Variants in DENND2A observed in about 807,000 individuals in gnomAD.
DENND2A encodes DENN domain-containing protein 2A.
DENND2A carries 53 observed loss-of-function variants against 105.3 expected under a neutral mutation model. The observed-to-expected ratio is 0.50, with a 90% confidence interval of 0.40 to 0.63. The LOEUF is 0.63. Ranked by LOEUF, DENND2A falls within the 30% of genes least tolerant of loss-of-function variation. The pLI is 0.00. For synonymous variants in DENND2A, 522 were observed against 508.4 expected, an observed-to-expected ratio of 1.03 and a Z score of -0.36; for missense variants, 1,138 against 1,279.6, an observed-to-expected ratio of 0.89 and a Z score of 1.69.
rs1309593775 is a variant in DENND2A, at chr7:140,594,418, TATTAGTTCACTCAA to T, written c.996-6652_996-6639del. Among the ~76,000 whole-genome samples the T allele has an allele frequency of 2.6e-5, 4 of 152,244 alleles. No homozygotes were observed. The South Asian group carries it at 8.3e-4, about 32-fold the overall frequency. On this transcript the variant is annotated intron_variant, in intron 3 of 19. Transcript: ENST00000496613. ...TCTTTCCTGTCTCAGGGCTTTCACC[TATTAGTTCACTCAA>T]ACTGAACGTCCACTCCCCACCCTCC...
chr7:140,633,124 G>C (rs975127591), intron 1 of DENND2A, among the ~76,000 whole-genome samples: 1 of 151,406 alleles, frequency 6.6e-6, no homozygotes, highest in East Asian at 1.9e-4. Context: ...CGCCTCCCGC[G>C]TTCACACCAT....
At chr7:140,591,844 CTTCT>C (rs1303250012) in intron 3 of DENND2A, among the ~76,000 whole-genome samples, 1 of 121,228 alleles carries the variant, frequency 8.2e-6, no homozygotes, top group Non-Finnish European at 1.7e-5. Context: ...CCTCCCCTTC[CTTCT>C]TTCCTTCCTT....
At chr7:140,579,790 G>A (rs1341068862) in intron 5 of DENND2A, among the ~76,000 whole-genome samples, 3 of 152,104 alleles carry the variant, frequency 2.0e-5, no homozygotes, top group African/African-American at 4.8e-5. Context: ...TTACATGCAC[G>A]TTTTAAGAAG....
At chr7:140,609,817 G>A (rs1356946406) in intron 1 of DENND2A, 1 of 152,156 alleles carries the variant, frequency 6.6e-6, no homozygotes, top group Non-Finnish European at 1.5e-5. Context: ...CATGTTGACT[G>A]GAGGGTTCAG....
chr7:140,588,903 TG>T (rs2130653270), intron 3 of DENND2A, among the ~76,000 whole-genome samples: 1 of 151,826 alleles, frequency 6.6e-6, no homozygotes, highest in South Asian at 2.1e-4. Context: ...TCACCATGTC[TG>T]GCTAATTTTT....
intron 6 of DENND2A, among the ~76,000 whole-genome samples, chr7:140,571,957 C>T (rs1247904866): frequency 1.3e-5 from 2 of 151,618 alleles, no homozygotes; most frequent in African/African-American, 4.9e-5. Context: ...AGGTGCATTC[C>T]CTAAGTGGAC....
rs553198911 is a variant in DENND2A at position 140,627,453 on chromosome 7, C to G, written c.-248+13051G>C. Among the ~76,000 whole-genome samples, 256 of 151,948 alleles carry G rather than the reference C, an allele frequency of 1.7e-3. 1 individual carries two copies. Among genetic ancestry groups the G allele is most frequent in the African/African-American group, 5.9e-3 (245 of 41,460 alleles). ...TGGTCTCGAACTCCTGCCTGCCTGCCTTGGCCTCCCTAAGTGCTGGGATTA... is the reference window on the plus strand; with the variant it reads ...TGGTCTCGAACTCCTGCCTGCCTGCGTTGGCCTCCCTAAGTGCTGGGATTA... On this transcript the variant is annotated intron_variant, in intron 1 of 19. Coordinates refer to ENST00000496613, the MANE Select transcript of DENND2A (RefSeq NM_015689.5).
Position 140,640,737 on chromosome 7 carries a change from G to T in DENND2A, c.-481C>A, listed in dbSNP as rs1447521608. 6 of 144,224 alleles carry T rather than the reference G, an allele frequency of 4.2e-5. No individual in the cohort carries two copies. In the South Asian group the frequency reaches 1.2e-3, roughly 30 times the overall value. 8.9% of individuals were successfully genotyped at this position (144,224 alleles called of 1,614,324 possible). On this transcript the variant is annotated 5_prime_UTR_variant, in exon 1 of 20. Transcript: ENST00000496613. This position sits in a 1 kb window ranked among gnomAD's most constrained non-coding sequence, Gnocchi z 4.9. ...CCCCGCCGCCCCCGGCCCCAGCGGC[G>T]CGCTTCCCTCGGCCGGCCCAGCGCA...
intron 1 of DENND2A, among the ~76,000 whole-genome samples, chr7:140,629,765 G>A (rs1386640217): frequency 6.6e-6 from 1 of 152,086 alleles, no homozygotes; most frequent in Non-Finnish European, 1.5e-5. Context: ...AGTGAAGAGG[G>A]AGAAGGTAGT....
At position 140,555,729 on chromosome 7, in the gene DENND2A, C is replaced by T. The variant is rs1563137898; in HGVS notation, c.1960-16G>A. The T allele has an allele frequency of 6.3e-7, 1 of 1,589,398 alleles. No homozygotes were observed. Among genetic ancestry groups the T allele is most frequent in the East Asian group, 2.3e-5 (1 of 44,092 alleles). ...TGCCTCCAGGCTTTTCGGAGAGAAACACAAGGGAATTATGAGTGTTGACAA... is the reference window on the plus strand; with the variant it reads ...TGCCTCCAGGCTTTTCGGAGAGAAATACAAGGGAATTATGAGTGTTGACAA... On this transcript the variant is annotated splice_polypyrimidine_tract_variant and intron_variant, in intron 11 of 19. Coordinates refer to ENST00000496613, the MANE Select transcript of DENND2A (RefSeq NM_015689.5).
intron 1 of DENND2A, among the ~76,000 whole-genome samples, chr7:140,637,115 G>A (rs542534165): frequency 2.0e-5 from 3 of 152,114 alleles, no homozygotes; most frequent in East Asian, 1.9e-4. Context: ...CTCCCAAAGC[G>A]TTGGGATTAC....
intron 19 of DENND2A, 29 bp from the exon 20 acceptor site, chr7:140,518,767 ACAAGGCAGACAAAGGAG>A: frequency 6.2e-7 from 1 of 1,609,906 alleles, no homozygotes; most frequent in Non-Finnish European, 8.5e-7. Flanking sequence ...AGAACATTTC[ACAAGGCAGACAAAGGAG>A]GGTGAGATAA....
intron 1 of DENND2A, among the ~76,000 whole-genome samples, chr7:140,608,373 T>C (rs957175137): frequency 2.0e-5 from 3 of 152,164 alleles, no homozygotes; most frequent in African/African-American, 7.2e-5. Flanking sequence ...TTTTTGTCTC[T>C]GATGATTAGC....
intron 19 of DENND2A, 21 bp downstream of exon 19, chr7:140,519,611 A>G: frequency 6.2e-7 from 1 of 1,609,540 alleles, no homozygotes; most frequent in Non-Finnish European, 8.5e-7. Context: ...CAGGCTGGGC[A>G]CCCAGAGCCC....
At chr7:140,607,301 G>A (rs887216963) in intron 1 of DENND2A, among the ~76,000 whole-genome samples, 1 of 152,174 alleles carries the variant, frequency 6.6e-6, no homozygotes, top group African/African-American at 2.4e-5. Flanking sequence ...GAGAGGAAGG[G>A]AGGAAGTCCA....
At chr7:140,577,325 G>A (rs1306687836) in intron 5 of DENND2A, among the ~76,000 whole-genome samples, 2 of 152,016 alleles carry the variant, frequency 1.3e-5, no homozygotes, top group African/African-American at 2.4e-5. Context: ...CAGCAATGAA[G>A]ACATCTAATT....
intron 5 of DENND2A, among the ~76,000 whole-genome samples, chr7:140,578,989 A>G (rs1379860168): frequency 6.6e-6 from 1 of 152,100 alleles, no homozygotes; most frequent in Admixed American, 6.6e-5. Flanking sequence ...TCTAAAAATA[A>G]ATTAGGCTAG....
intron 10 of DENND2A, among the ~76,000 whole-genome samples, chr7:140,558,451 T>G (rs1271886138): frequency 6.6e-6 from 1 of 152,000 alleles, no homozygotes; most frequent in Non-Finnish European, 1.5e-5. Context: ...ATCCCAGCCC[T>G]TTGGGAGGCT....
chr7:140,600,710 A>G (rs1282429153), intron 3 of DENND2A, among the ~76,000 whole-genome samples: 1 of 152,090 alleles, frequency 6.6e-6, no homozygotes, highest in Non-Finnish European at 1.5e-5. Context: ...AGGAGGTGAA[A>G]TGATGAAAGG....
Sources: gnomAD v4.1 joint callset for allele counts (sites outside exome capture counted in the v4.1 genomes callset) on GRCh38, gnomAD v4.1.1 for gene constraint, Gnocchi (gnomAD v3.1) non-coding constraint, MANE v1.5 for transcripts, NCBI Gene and HGNC (gene_info 2026-07-23, HGNC 2026-07-21) for gene names.